DNAH11: variants seen among roughly 807,000 people sequenced by gnomAD.
The protein encoded by DNAH11 is axonemal beta dynein heavy chain 11.
A neutral mutation model predicts 526.0 loss-of-function variants in DNAH11; 442 were observed. That is an observed-to-expected ratio of 0.84 (90% CI 0.78 to 0.91). The LOEUF (loss-of-function observed/expected upper bound fraction) is 0.91, where lower values mean the gene tolerates loss of function less well. DNAH11 is among the 40% of genes least tolerant of loss of function. DNAH11 has a pLI of 0.00. For synonymous variants in DNAH11, 2,461 were observed against 1,935.9 expected (o/e 1.27, Z -7.12); for missense variants, 6,989 against 5,448.7 (o/e 1.28, Z -8.90).
At chr7:21,688,857 A>T (rs908346015) in intron 34 of DNAH11, among the ~76,000 whole-genome samples, 8 of 152,222 alleles carry the variant, frequency 5.3e-5, no homozygotes, top group African/African-American at 1.9e-4. Flanking sequence ...ATGCAGCACA[A>T]TTCTGGTTCT....
At chr7:21,610,146 C>A (rs62447782) in intron 20 of DNAH11, among the ~76,000 whole-genome samples, 2 of 151,786 alleles carry the variant, frequency 1.3e-5, no homozygotes, top group African/African-American at 4.8e-5. Flanking sequence ...CCCAGCTACT[C>A]GGGAGGCTGA....
intron 65 of DNAH11, among the ~76,000 whole-genome samples, chr7:21,822,610 C>T (rs1011990985): frequency 5.3e-5 from 8 of 152,166 alleles, no homozygotes; most frequent in Non-Finnish European, 1.0e-4. Context: ...GATACTTTTG[C>T]AATATACTGA....
In DNAH11 at chr7:21,645,632, G is replaced by T. The variant is rs572341420; in HGVS notation, c.4944+6567G>T. Among the ~76,000 whole-genome samples the T allele has an allele frequency of 9.2e-5, 14 of 151,950 alleles. No homozygotes were observed. The East Asian group carries it at 2.7e-3, about 29-fold the overall frequency. ...CAATAATAACAAATGGTTCTAAGGT[G>T]GATTGGATAGAAATTTGCCAGGGTA... On this transcript the variant is annotated intron_variant, in intron 28 of 81. Coordinates refer to ENST00000409508, the MANE Select transcript of DNAH11 (RefSeq NM_001277115.2).
At chr7:21,808,592 A>G (rs1789376283) in intron 63 of DNAH11, among the ~76,000 whole-genome samples, 1 of 152,090 alleles carries the variant, frequency 6.6e-6, no homozygotes, top group Admixed American at 6.6e-5. Flanking sequence ...CTCTACCTCC[A>G]TAAGATCCAC....
chr7:21,864,266 T>C (rs745608878), intron 69 of DNAH11, among the ~76,000 whole-genome samples: 119 of 152,248 alleles, frequency 7.8e-4, no homozygotes, highest in Non-Finnish European at 1.4e-3. Context: ...TACGAATGCA[T>C]ATTTTAAATA....
chr7:21,561,032 T>C lies in DNAH11; in HGVS notation c.883-39T>C, dbSNP rs1428010020. ...AATGCATGTATTTAGTAATCGAGTT[T>C]ATATTTATTAAAGTTCTTCTTTTTT... On this transcript the variant is annotated intron_variant, in intron 4 of 81. Coordinates refer to ENST00000409508, the MANE Select transcript of DNAH11 (RefSeq NM_001277115.2). 6 of 1,387,292 alleles carry C rather than the reference T, an allele frequency of 4.3e-6. No homozygotes were observed. The African/African-American group carries it at 7.2e-5, about 17-fold the overall frequency. The allele number at this position is 1,387,292 out of a possible 1,614,324, so 85.9% of individuals were successfully genotyped here.
At chr7:21,843,749 G>T (rs1351134529) in intron 66 of DNAH11, among the ~76,000 whole-genome samples, 1 of 152,114 alleles carries the variant, frequency 6.6e-6, no homozygotes, top group Non-Finnish European at 1.5e-5. Context: ...AAAGTGCTGG[G>T]ATTACAGGCA....
intron 54 of DNAH11, among the ~76,000 whole-genome samples, chr7:21,754,094 T>C (rs374392984): frequency 1.3e-5 from 2 of 152,228 alleles, no homozygotes; most frequent in African/African-American, 4.8e-5. Context: ...TCTCCTGTTA[T>C]TCTGTTTTTC....
chr7:21,562,301 GAT>G (rs991909422), intron 5 of DNAH11, among the ~76,000 whole-genome samples: 30 of 152,278 alleles, frequency 2.0e-4, no homozygotes, highest in Admixed American at 5.2e-4. Context: ...CTGTTGTGAT[GAT>G]CATAAATGTC....
intron 45 of DNAH11, among the ~76,000 whole-genome samples, chr7:21,732,967 G>A (rs1434742582): frequency 2.0e-5 from 3 of 152,212 alleles, no homozygotes; most frequent in African/African-American, 7.2e-5. Context: ...GGGCAGTGGG[G>A]CTGCCATGAT....
intron 28 of DNAH11, among the ~76,000 whole-genome samples, chr7:21,640,710 C>A (rs1329864425): frequency 6.6e-6 from 1 of 152,036 alleles, no homozygotes; most frequent in African/African-American, 2.4e-5. Flanking sequence ...ATCTCCTGGT[C>A]CCCCTTTCTT....
intron 2 of DNAH11, among the ~76,000 whole-genome samples, chr7:21,552,830 C>A (rs1783071310): frequency 6.6e-6 from 1 of 152,122 alleles, no homozygotes; most frequent in Non-Finnish European, 1.5e-5. Flanking sequence ...CACACTGAAC[C>A]ACTTATGTTC....
chr7:21,700,779 A>G (rs752030142), intron 36 of DNAH11, among the ~76,000 whole-genome samples: 24 of 152,224 alleles, frequency 1.6e-4, no homozygotes, highest in African/African-American at 2.7e-4. Flanking sequence ...CTATGCAGCC[A>G]TGAAAAAGGA....
Position 21,658,523 on chromosome 7 carries a change from C to G in DNAH11, c.5095-275C>G, listed in dbSNP as rs10480010. Among the ~76,000 whole-genome samples the G allele has an allele frequency of 0.097, 14,737 of 152,120 alleles. 976 individuals carry two copies. Among genetic ancestry groups the G allele is most frequent in the African/African-American group, 0.19 (7,943 of 41,482 alleles). ...CTGAGAAATGAATAGTGAAGAACCC[C>G]TTTTCTGTTTAGGCTGTGGAAAGTT... On this transcript the variant is annotated intron_variant, in intron 29 of 81. Transcript: ENST00000409508.
rs371054687 is a variant in DNAH11 at position 21,683,765 on chromosome 7, G to T, written c.5461-19G>T. ...AAACTACCAGTGTCCTGCGTATGATGATTATGCAATGCCTTTAGGTTGTCA... is the reference window on the plus strand; with the variant it reads ...AAACTACCAGTGTCCTGCGTATGATTATTATGCAATGCCTTTAGGTTGTCA... On this transcript the variant is annotated intron_variant, in intron 31 of 81. Transcript: ENST00000409508. 10 of 1,571,588 alleles carry T rather than the reference G, an allele frequency of 6.4e-6. No individual in the cohort carries two copies. In the African/African-American group the frequency reaches 1.1e-4, roughly 17 times the overall value.
At chr7:21,888,633 G>C (rs1402479432) in intron 76 of DNAH11, among the ~76,000 whole-genome samples, 1 of 152,042 alleles carries the variant, frequency 6.6e-6, no homozygotes, top group East Asian at 1.9e-4. Context: ...GGGATTACAG[G>C]CATGTGCCAC....
chr7:21,713,847 A>G (rs1428604837), intron 42 of DNAH11, among the ~76,000 whole-genome samples: 1 of 152,120 alleles, frequency 6.6e-6, no homozygotes, highest in East Asian at 1.9e-4. Context: ...GTGATTTTCA[A>G]AAGTCTTAAA....
intron 30 of DNAH11, among the ~76,000 whole-genome samples, chr7:21,677,168 C>T (rs1782927886): frequency 6.7e-6 from 1 of 148,234 alleles, no homozygotes; most frequent in Non-Finnish European, 1.5e-5. Context: ...TCTCATTTTA[C>T]TGTGATTCAC....
chr7:21,560,527 G>A (rs1039598226), intron 4 of DNAH11, among the ~76,000 whole-genome samples: 23 of 152,294 alleles, frequency 1.5e-4, no homozygotes, highest in Middle Eastern at 3.4e-3. Flanking sequence ...CAAACCACTG[G>A]TGTAAGTCTA....
Sources: allele counts gnomAD v4.1 joint callset (sites outside exome capture counted in the v4.1 genomes callset), GRCh38; gene constraint gnomAD v4.1.1; transcripts MANE v1.5; gene names NCBI Gene and HGNC (gene_info 2026-07-23, HGNC 2026-07-21).